The following CALN1 variants were observed in gnomAD, a reference collection of about 807,000 sequenced individuals.
The protein encoded by CALN1 is calneuron 1.
A neutral mutation model predicts 30.6 loss-of-function variants in CALN1; 17 were observed. The observed-to-expected ratio is 0.56, with a 90% CI of 0.38 to 0.83. CALN1 has a LOEUF of 0.83. Ranked by LOEUF, CALN1 falls within the 40% of genes least tolerant of loss-of-function variation. The pLI is 0.00. For synonymous variants in CALN1, 156 were observed against 131.4 expected (o/e 1.19, Z -1.28); for missense variants, 291 against 354.9 (o/e 0.82, Z 1.45).
At chr7:72,096,417 G>A (rs190315420) in intron 4 of CALN1, among the ~76,000 whole-genome samples, 217 of 152,266 alleles carry the variant, frequency 1.4e-3, no homozygotes, top group Non-Finnish European at 2.3e-3. Context: ...CTTCTCTGTA[G>A]CCAAAGAGTT....
At chr7:72,184,782 CT>C (rs977679447) in intron 3 of CALN1, among the ~76,000 whole-genome samples, 9 of 149,002 alleles carry the variant, frequency 6.0e-5, no homozygotes, top group South Asian at 2.2e-4. Context: ...ACCAAGACAT[CT>C]TTTTTTTTTC....
intron 2 of CALN1, among the ~76,000 whole-genome samples, chr7:72,330,842 C>T (rs1472089380): frequency 3.3e-5 from 5 of 152,158 alleles, no homozygotes; most frequent in Non-Finnish European, 7.4e-5. Context: ...CACAGCCCTG[C>T]CAGTGGGAAG....
chr7:72,246,745 C>T (rs1459116964), intron 3 of CALN1, among the ~76,000 whole-genome samples: 2 of 136,334 alleles, frequency 1.5e-5, no homozygotes, highest in East Asian at 2.3e-4. Context: ...CTCATTCCTA[C>T]CAGAACAATT....
intron 5 of CALN1, among the ~76,000 whole-genome samples, chr7:71,840,877 A>C (rs1425641782): frequency 2.0e-5 from 3 of 152,100 alleles, no homozygotes; most frequent in East Asian, 3.9e-4. Context: ...CACATTTTGG[A>C]TACATCCTTT....
At position 71,782,420 on chromosome 7, in the gene CALN1, A is replaced by C. The variant is rs1368418859; in HGVS notation, c.*5355T>G. ...GCTTTCTGAGGTCTCACCAGAAGCC[A>C]AGCAGATGTTGATACCTTGCTCAAA... On this transcript the variant is annotated 3_prime_UTR_variant, in exon 7 of 7. Transcript: ENST00000395275. 6.6e-6 allele frequency: 1 copy of C among 152,236 alleles called. No homozygotes were observed. Among genetic ancestry groups the C allele is most frequent in the Non-Finnish European group, 1.5e-5 (1 of 68,090 alleles). The allele number at this position is 152,236 out of a possible 1,614,324, so 9.4% of individuals were successfully genotyped here. A position where few individuals can be genotyped will look rare whatever the true frequency, so the allele number is the denominator to read the frequency against.
rs926815108 is a variant in CALN1 at position 72,419,313 on chromosome 7, ATCC to A, written c.-225-7041_-225-7039del. Among the ~76,000 whole-genome samples the A allele has an allele frequency of 3.3e-5, 5 of 152,186 alleles. No homozygotes were observed. The East Asian group carries it at 9.7e-4, about 30-fold the overall frequency. On this transcript the variant is annotated intron_variant, in intron 1 of 6. Transcript: ENST00000395276. ...TCATCATTCCCAAAAGGAACCTCAT[ATCC>A]ACTGGCACAGTCACTCCCTAGTCCT... is the stretch of plus-strand genomic sequence containing the variant.
chr7:71,876,756 C>T (rs888254359), intron 5 of CALN1, among the ~76,000 whole-genome samples: 2 of 152,200 alleles, frequency 1.3e-5, no homozygotes, highest in East Asian at 1.9e-4. Flanking sequence ...TTTTTCTTAC[C>T]CAAAGTTGCC....
chr7:72,357,846 A>ATG, intron 2 of CALN1, among the ~76,000 whole-genome samples: 1 of 145,494 alleles, frequency 6.9e-6, no homozygotes, highest in East Asian at 2.0e-4. Flanking sequence ...ATTTATATAT[A>ATG]TTTATATTTA....
At chr7:72,154,705 T>C (rs961763636) in intron 3 of CALN1, among the ~76,000 whole-genome samples, 2 of 151,998 alleles carry the variant, frequency 1.3e-5, no homozygotes, top group African/African-American at 4.8e-5. Context: ...TTAACTAAGG[T>C]CATAGGGTAA....
At chr7:72,325,718 G>A (rs1413681110) in intron 2 of CALN1, among the ~76,000 whole-genome samples, 1 of 152,124 alleles carries the variant, frequency 6.6e-6, no homozygotes, top group African/African-American at 2.4e-5. Context: ...TTGGGTCTTG[G>A]CAGGAAAAGA....
At chr7:72,194,268 G>T (rs376329323) in intron 3 of CALN1, among the ~76,000 whole-genome samples, 2 of 152,328 alleles carry the variant, frequency 1.3e-5, no homozygotes, top group African/African-American at 2.4e-5. Context: ...GGTAGCTCAT[G>T]CCTGTAATCC....
At chr7:72,203,342 TAAAGTA>T (rs138733148) in intron 3 of CALN1, among the ~76,000 whole-genome samples, 1,831 of 151,596 alleles carry the variant, frequency 0.012, 38 homozygotes, top group African/African-American at 0.042. Context: ...TCCCAGAACT[TAAAGTA>T]AAATAAAAAA....
intron 1 of CALN1, among the ~76,000 whole-genome samples, chr7:72,406,658 C>A (rs1273176226): frequency 6.9e-6 from 1 of 144,098 alleles, no homozygotes; most frequent in Non-Finnish European, 1.5e-5. Flanking sequence ...GTTCTGTCAC[C>A]CAGGCTGGAG....
chr7:72,257,407 T>TGAGATGCC (rs1795984695), intron 3 of CALN1, among the ~76,000 whole-genome samples: 1 of 151,726 alleles, frequency 6.6e-6, no homozygotes, highest in Non-Finnish European at 1.5e-5. Context: ...AAAACCACAA[T>TGAGATGCC]GAGATGCCAC....
At position 72,356,613 on chromosome 7, in the gene CALN1, T is replaced by G. The variant is rs1432954531; in HGVS notation, c.119+46638A>C. Among the ~76,000 whole-genome samples the G allele has an allele frequency of 2.6e-5, 4 of 152,014 alleles. No individual in the cohort carries two copies. In the South Asian group the frequency reaches 6.2e-4, roughly 24 times the overall value. ...CCAATCTCCCTGAAAGATGGAACAT[T>G]TCAAAAATTGGATACACCTAATAAT... is the stretch of plus-strand genomic sequence containing the variant. On this transcript the variant is annotated intron_variant, in intron 2 of 6. Coordinates refer to ENST00000395275, the MANE Select transcript of CALN1 (RefSeq NM_031468.4).
chr7:72,364,538 T>A (rs887044642), intron 2 of CALN1, among the ~76,000 whole-genome samples: 1 of 152,210 alleles, frequency 6.6e-6, no homozygotes, highest in African/African-American at 2.4e-5. Flanking sequence ...TTAACTAATA[T>A]AGCACAAATT....
intron 5 of CALN1, among the ~76,000 whole-genome samples, chr7:71,817,037 A>G (rs759871564): frequency 1.7e-4 from 26 of 152,208 alleles, no homozygotes; most frequent in Non-Finnish European, 2.6e-4. Flanking sequence ...ATTTAGTATT[A>G]GGACATCTAA....
At chr7:72,391,915 C>T (rs1805606851) in intron 2 of CALN1, among the ~76,000 whole-genome samples, 1 of 152,158 alleles carries the variant, frequency 6.6e-6, no homozygotes, top group African/African-American at 2.4e-5. Context: ...CATTCAGCCT[C>T]CTTCTGTTGA....
chr7:72,285,154 C>T (rs1002862325), intron 2 of CALN1, among the ~76,000 whole-genome samples: 4 of 152,128 alleles, frequency 2.6e-5, no homozygotes, highest in African/African-American at 9.7e-5. Context: ...GAGCATTGCC[C>T]CAACTTCTAA....
Sources: allele counts gnomAD v4.1 joint callset (sites outside exome capture counted in the v4.1 genomes callset), GRCh38; gene constraint gnomAD v4.1.1; transcripts MANE v1.5; gene names NCBI Gene and HGNC (gene_info 2026-07-23, HGNC 2026-07-21).